RFTN2: variants seen among roughly 807,000 people sequenced by gnomAD.
The protein encoded by RFTN2 is raftlin family member 2.
A neutral mutation model predicts 52.7 loss-of-function variants in RFTN2; 34 were observed. That is an observed-to-expected ratio of 0.64 (90% CI 0.49 to 0.86). RFTN2 has a LOEUF of 0.86. Ranked by LOEUF, RFTN2 falls within the 40% of genes least tolerant of loss-of-function variation. The pLI, the probability that RFTN2 is intolerant of heterozygous loss-of-function variation, is 0.00. For synonymous variants in RFTN2, 203 were observed against 217.7 expected, an observed-to-expected ratio of 0.93 and a Z score of 0.59; for missense variants, 536 against 600.1, an observed-to-expected ratio of 0.89 and a Z score of 1.12.
chr2:197,655,607 C>T (rs902229710), intron 1 of RFTN2, among the ~76,000 whole-genome samples: 17 of 152,228 alleles, frequency 1.1e-4, no homozygotes, highest in Non-Finnish European at 1.8e-4. Flanking sequence ...AGGCAGATCA[C>T]GAGGTCAAGA....
At chr2:197,601,808 G>C (rs2087885508) in intron 7 of RFTN2, among the ~76,000 whole-genome samples, 1 of 152,054 alleles carries the variant, frequency 6.6e-6, no homozygotes, top group Non-Finnish European at 1.5e-5. Flanking sequence ...CATTTTTCTT[G>C]GGCCAATTAG....
chr2:197,650,668 T>A (rs1453655844), intron 1 of RFTN2, among the ~76,000 whole-genome samples: 5 of 152,236 alleles, frequency 3.3e-5, no homozygotes, highest in Non-Finnish European at 7.3e-5. Context: ...TGAATATATA[T>A]ACCACATTTT....
At chr2:197,575,781 TATATA>T (rs1485043915) in intron 8 of RFTN2, among the ~76,000 whole-genome samples, 9 of 112,552 alleles carry the variant, frequency 8.0e-5, no homozygotes, top group Non-Finnish European at 1.5e-4. Context: ...ATATATTCTA[TATATA>T]ATATATTATA....
chr2:197,616,286 T>A (rs1273034891), intron 6 of RFTN2, among the ~76,000 whole-genome samples: 1 of 63,478 alleles, frequency 1.6e-5, no homozygotes, highest in African/African-American at 6.8e-5. Flanking sequence ...TTTATTTTAT[T>A]TTATTTTATT....
intron 1 of RFTN2, among the ~76,000 whole-genome samples, chr2:197,672,185 T>G (rs2089155975): frequency 6.6e-6 from 1 of 152,206 alleles, no homozygotes; most frequent in Non-Finnish European, 1.5e-5. Flanking sequence ...TTGGTAGACT[T>G]GGCATAAAGT....
intron 3 of RFTN2, among the ~76,000 whole-genome samples, chr2:197,640,093 C>G (rs201876087): frequency 0.2 from 29,955 of 152,130 alleles, 3,053 homozygotes; most frequent in Middle Eastern, 0.28. Context: ...GGAGTCTGCC[C>G]GTTCTCAGAT....
chr2:197,646,649 C>T lies in RFTN2; in HGVS notation c.157G>A (p.Val53Ile). The T allele has an allele frequency of 1.9e-6, 3 of 1,611,528 alleles. No homozygotes were observed. Among genetic ancestry groups the T allele is most frequent in the South Asian group, 1.1e-5 (1 of 90,686 alleles). Reference sequence around the variant, plus strand: ...TCCAGAATTGAATTTATCTTGATGACTTCTGGGTTTGATGAAGCTGAAATA... The same window carrying T: ...TCCAGAATTGAATTTATCTTGATGATTTCTGGGTTTGATGAAGCTGAAATA... The part of the protein sequence containing the change: ...FTLQASSNPE[V>I]IKINSILDIV... The change falls in exon 2 of 9, where the codon GTC becomes ATC. Residue 53 changes from valine (V) to isoleucine (I), a missense_variant. Transcript: ENST00000295049.
At chr2:197,615,638 C>T (rs754102501) in intron 7 of RFTN2, among the ~76,000 whole-genome samples, 7 of 152,170 alleles carry the variant, frequency 4.6e-5, no homozygotes, top group Non-Finnish European at 1.0e-4. Context: ...GTGTCCTAAA[C>T]CTGGCTGTGG....
At chr2:197,617,748 ATATAT>A (rs1313043166) in intron 6 of RFTN2, 47 bp downstream of exon 6, 17 of 674,398 alleles carry the variant, frequency 2.5e-5, no homozygotes, top group African/African-American at 3.9e-5. Flanking sequence ...TATATATATT[ATATAT>A]TATATTTATA....
chr2:197,608,849 T>C (rs2088007698), intron 7 of RFTN2, among the ~76,000 whole-genome samples: 1 of 152,048 alleles, frequency 6.6e-6, no homozygotes, highest in South Asian at 2.1e-4. Flanking sequence ...GTTCTCATTG[T>C]TCAACTCCCA....
chr2:197,674,418 AT>A (rs1411190555), intron 1 of RFTN2, among the ~76,000 whole-genome samples: 5 of 151,516 alleles, frequency 3.3e-5, no homozygotes, highest in Admixed American at 2.0e-4. Context: ...AATATTCAAC[AT>A]GATAATTTAG....
Position 197,591,579 on chromosome 2 carries a change from G to A in RFTN2, c.1233+4412C>T, listed in dbSNP as rs563218273. ...ATACTCCTCAGCCCTTGGGCGGTCCGTGGGACCGTGCACACTGGAGCAGGG... is the reference window on the plus strand; with the variant it reads ...ATACTCCTCAGCCCTTGGGCGGTCCATGGGACCGTGCACACTGGAGCAGGG... On this transcript the variant is annotated intron_variant, in intron 8 of 8. Transcript: ENST00000295049. Among the ~76,000 whole-genome samples, 354 of 152,292 alleles carry A rather than the reference G, an allele frequency of 2.3e-3. 1 individual carries two copies. The highest frequency in any genetic ancestry group is 8.0e-3 in the African/African-American group (332 of 41,552).
intron 1 of RFTN2, among the ~76,000 whole-genome samples, chr2:197,653,734 T>C (rs960899255): frequency 3.3e-5 from 5 of 152,220 alleles, no homozygotes; most frequent in African/African-American, 1.2e-4. Context: ...ATAACCTCAA[T>C]TTACCAAAAA....
chr2:197,571,860 G>T lies in RFTN2; in HGVS notation c.*148C>A, dbSNP rs1453084707. ...GTTATTCTTCCTTGTCTGGGAGGTTGTGCCAAAGTTTACATAGATTAGAGG... is the reference window on the plus strand; with the variant it reads ...GTTATTCTTCCTTGTCTGGGAGGTTTTGCCAAAGTTTACATAGATTAGAGG... On this transcript the variant is annotated 3_prime_UTR_variant, in exon 9 of 9. Transcript: ENST00000295049. The T allele has an allele frequency of 1.3e-5, 9 of 695,844 alleles. No homozygotes were observed. The highest frequency in any genetic ancestry group is 1.9e-5 in the Non-Finnish European group (8 of 416,760). 43.1% of individuals were successfully genotyped at this position (695,844 alleles called of 1,614,324 possible).
chr2:197,578,972 A>G (rs1001324376), intron 8 of RFTN2, among the ~76,000 whole-genome samples: 4 of 150,736 alleles, frequency 2.7e-5, no homozygotes, highest in Admixed American at 6.6e-5. Flanking sequence ...CTATCCCTCA[A>G]CCTCTTTCTC....
Position 197,631,058 on chromosome 2 carries a change from T to C in RFTN2, c.881A>G (p.Gln294Arg). 6.2e-7 allele frequency: 1 copy of C among 1,613,002 alleles called. No homozygotes were observed. Among genetic ancestry groups the C allele is most frequent in the Non-Finnish European group, 8.5e-7 (1 of 1,179,156 alleles). The change falls in exon 5 of 9, where the codon CAA (glutamine) becomes CGA (arginine). Residue 294 changes from glutamine to arginine, a missense_variant. Physicochemically the swap from Gln to Arg is conservative, Grantham distance 43. Coordinates refer to ENST00000295049, the MANE Select transcript of RFTN2 (RefSeq NM_144629.3). Reference sequence around the variant, plus strand: ...AAAAGAATCAATTAAAGACAAGCCTTGTTTATAATAAAAGGTAGTTAACTC... The same window carrying C: ...AAAAGAATCAATTAAAGACAAGCCTCGTTTATAATAAAAGGTAGTTAACTC... ...WLELTTFYYK[Q>R]GLSLIDSFVF...
At position 197,675,121 on chromosome 2, in the gene RFTN2, T is replaced by C. The variant is rs922617524; in HGVS notation, c.139+199A>G. Among the ~76,000 whole-genome samples the C allele has an allele frequency of 1.1e-4, 16 of 152,296 alleles. No individual in the cohort carries two copies. The Middle Eastern group carries it at 0.014, about 130-fold the overall frequency. On this transcript the variant is annotated intron_variant, in intron 1 of 8. Transcript: ENST00000295049. ...AATTTCCCTAATTTTAGAAGGTACATATGAGCCATGTTACCAAAATACGAA... is the reference window on the plus strand; with the variant it reads ...AATTTCCCTAATTTTAGAAGGTACACATGAGCCATGTTACCAAAATACGAA...
intron 7 of RFTN2, among the ~76,000 whole-genome samples, chr2:197,608,977 GGCTGCATA>G (rs1378005646): frequency 6.6e-6 from 1 of 152,000 alleles, no homozygotes; most frequent in African/African-American, 2.4e-5. Flanking sequence ...CTTTTTTTAT[GGCTGCATA>G]GCATTGCATG....
At chr2:197,647,873 GAA>G (rs569736891) in intron 1 of RFTN2, among the ~76,000 whole-genome samples, 148 of 152,230 alleles carry the variant, frequency 9.7e-4, no homozygotes, top group Middle Eastern at 3.4e-3. Context: ...GTAGTAAAAG[GAA>G]AAGAGTGTGT....
Sources: allele counts gnomAD v4.1 joint callset (sites outside exome capture counted in the v4.1 genomes callset), GRCh38; gene constraint gnomAD v4.1.1; transcripts MANE v1.5; gene names NCBI Gene and HGNC (gene_info 2026-07-23, HGNC 2026-07-21).